KIAA0232: variants seen among roughly 807,000 people sequenced by gnomAD.
KIAA0232 encodes the protein KIAA0232.
Under a neutral mutation model 122.0 loss-of-function variants are expected in KIAA0232, and 27 were observed. The ratio of observed to expected loss-of-function variants is 0.22; its 90% CI spans 0.16 to 0.31. KIAA0232 has a LOEUF of 0.31. Among genes scored for constraint, KIAA0232 ranks in the 10% least tolerant of loss-of-function variants. The probability of loss-of-function intolerance (pLI) is 1.00; values close to 1 mark genes in which losing one functional copy is unlikely to be tolerated. For missense variants in KIAA0232, 1,551 were observed against 1,634.2 expected, an observed-to-expected ratio of 0.95 and a Z score of 0.88; for synonymous variants, 613 against 587.6, an observed-to-expected ratio of 1.04 and a Z score of -0.63.
intron 8 of KIAA0232, among the ~76,000 whole-genome samples, chr4:6,872,929 T>C (rs1216661526): frequency 6.6e-6 from 1 of 152,242 alleles, no homozygotes; most frequent in African/African-American, 2.4e-5. Context: ...CTCTGGTCTG[T>C]AGCCACAGAC....
intron 1 of KIAA0232, among the ~76,000 whole-genome samples, chr4:6,794,931 G>T (rs999112182): frequency 2.6e-5 from 4 of 152,160 alleles, no homozygotes; most frequent in Non-Finnish European, 4.4e-5. Flanking sequence ...GGTAGCATTA[G>T]AGTTCTGGAA....
At chr4:6,830,788 A>C (rs1489087149) in intron 3 of KIAA0232, among the ~76,000 whole-genome samples, 2 of 152,060 alleles carry the variant, frequency 1.3e-5, no homozygotes, top group African/African-American at 4.8e-5. Context: ...ATGTGTGTCC[A>C]GCAGAAAGAG....
In KIAA0232 at chr4:6,861,181, A is replaced by G; in HGVS notation, c.799A>G (p.Lys267Glu). Residue 267 changes from lysine (K) to glutamate (E), a missense_variant, in exon 7 of 10, where the codon AAG (lysine) becomes GAG (glutamate). Transcript: ENST00000307659. ...ATTTAGTAATGGCACAATTGAAGAA[A>G]AGCCTGCTTTGTACAAAAAGCAAAT... ...NKFSNGTIEEKPALYKKQIRH... is the reference protein window; with the variant it reads ...NKFSNGTIEEEPALYKKQIRH... 1 of 1,614,200 alleles carries G rather than the reference A, an allele frequency of 6.2e-7. No homozygotes were observed. Among genetic ancestry groups the G allele is most frequent in the Non-Finnish European group, 8.5e-7 (1 of 1,180,044 alleles).
Position 6,824,381 on chromosome 4 carries a change from C to A in KIAA0232, c.-73C>A, listed in dbSNP as rs1378029856. 5.8e-6 allele frequency: 7 copies of A among 1,215,958 alleles called. No individual in the cohort carries two copies. The highest frequency in any genetic ancestry group is 8.6e-6 in the Non-Finnish European group (7 of 818,646). 75.3% of individuals were successfully genotyped at this position (1,215,958 alleles called of 1,614,324 possible). ...CTCTACTTTTTACTGGAGTGAAAAT[C>A]CCCTCCAGATACCAACAGAATATCA... is the stretch of plus-strand genomic sequence containing the variant. On this transcript the variant is annotated 5_prime_UTR_variant, in exon 3 of 10. Transcript: ENST00000307659.
intron 4 of KIAA0232, among the ~76,000 whole-genome samples, chr4:6,854,491 C>T (rs1444050754): frequency 6.6e-6 from 1 of 152,140 alleles, no homozygotes; most frequent in East Asian, 1.9e-4. Flanking sequence ...TCACTGGGTG[C>T]GTGAATGAGC....
chr4:6,833,698 C>G (rs1719115750), intron 3 of KIAA0232, among the ~76,000 whole-genome samples: 1 of 152,114 alleles, frequency 6.6e-6, no homozygotes, highest in Admixed American at 6.5e-5. Flanking sequence ...AGAGTATATA[C>G]ATGCCAGTAT....
At position 6,862,188 on chromosome 4, in the gene KIAA0232, T is replaced by C. The variant is rs751343465; in HGVS notation, c.1806T>C (p.Asp602=). 6.2e-7 allele frequency: 1 copy of C among 1,614,188 alleles called. No individual in the cohort carries two copies. The highest frequency in any genetic ancestry group is 8.5e-7 in the Non-Finnish European group (1 of 1,180,034). The change falls in exon 7 of 10, where the codon GAT becomes GAC. Residue 602 remains aspartate, a synonymous_variant. Coordinates refer to ENST00000307659, the MANE Select transcript of KIAA0232 (RefSeq NM_014743.3). ...GTTCATCCAGCTCCGGTGATGCTGA[T>C]GGGGAGAGTTTTGGAGGAGACTCTC... ...ECCSSSSGDA[D]GESFGGDSPV...
chr4:6,813,547 A>T, intron 2 of KIAA0232, among the ~76,000 whole-genome samples: 1 of 151,816 alleles, frequency 6.6e-6, no homozygotes, highest in Non-Finnish European at 1.5e-5. Flanking sequence ...TATTTTTAGT[A>T]GAGATGGGGT....
intron 3 of KIAA0232, among the ~76,000 whole-genome samples, chr4:6,838,324 G>T (rs1719457542): frequency 1.3e-5 from 2 of 152,014 alleles, no homozygotes; most frequent in Admixed American, 1.3e-4. Flanking sequence ...AAGTAGCTGG[G>T]ACTGCAGGTG....
intron 2 of KIAA0232, among the ~76,000 whole-genome samples, chr4:6,809,612 C>A (rs1335523300): frequency 6.8e-6 from 1 of 146,908 alleles, no homozygotes; most frequent in Non-Finnish European, 1.5e-5. Flanking sequence ...TAAAAGGCAT[C>A]CAAATTAGAA....
rs570698505 is a variant in KIAA0232 at position 6,875,213 on chromosome 4, G to T, written c.3911-1447G>T. 1.4e-4 allele frequency among the ~76,000 whole-genome samples: 21 copies of T among 152,352 alleles called. No homozygotes were observed. In the South Asian group the frequency reaches 4.3e-3, roughly 32 times the overall value. Reference sequence around the variant, plus strand: ...ATGGCTTTGATAAGCAGCGGTCATGGGTGCAATGTGTGTGCCCGGCACTGT... The same window carrying T: ...ATGGCTTTGATAAGCAGCGGTCATGTGTGCAATGTGTGTGCCCGGCACTGT... On this transcript the variant is annotated intron_variant, in intron 8 of 9. Coordinates refer to ENST00000307659, the MANE Select transcript of KIAA0232 (RefSeq NM_014743.3).
At chr4:6,845,447 C>T (rs1378446051) in intron 4 of KIAA0232, among the ~76,000 whole-genome samples, 1 of 152,076 alleles carries the variant, frequency 6.6e-6, no homozygotes, top group Non-Finnish European at 1.5e-5. Flanking sequence ...CCTCCCGCGT[C>T]GGCCTCTCAA....
intron 4 of KIAA0232, among the ~76,000 whole-genome samples, chr4:6,850,644 A>G (rs968006858): frequency 4.6e-5 from 7 of 151,456 alleles, no homozygotes; most frequent in South Asian, 2.1e-4. Flanking sequence ...ATTTTGGGCT[A>G]TTAATAAAGA....
In KIAA0232 at chr4:6,861,143, A is replaced by G; in HGVS notation, c.761A>G (p.Glu254Gly). ...AAAACCCAGAGCAAAAGCAAAAACG[A>G]GAAGGAAAACAAATTTAGTAATGGC... ...HEKTQSKSKN[E>G]KENKFSNGTI... Residue 254 changes from glutamate (E) to glycine (G), a missense_variant, in exon 7 of 10, where the codon GAG (glutamate) becomes GGG (glycine). This residue lies in a region of KIAA0232 where 377 missense variants were observed against 381.7 expected (regional missense o/e 0.99). Transcript: ENST00000307659. 1 of 1,614,220 alleles carries G rather than the reference A, an allele frequency of 6.2e-7. No homozygotes were observed. The highest frequency in any genetic ancestry group is 8.5e-7 in the Non-Finnish European group (1 of 1,180,034).
At chr4:6,869,150 C>G (rs995234737) in intron 7 of KIAA0232, among the ~76,000 whole-genome samples, 1 of 152,154 alleles carries the variant, frequency 6.6e-6, no homozygotes, top group Non-Finnish European at 1.5e-5. Flanking sequence ...GCCCCTGCTC[C>G]CAGGTTCCTG....
chr4:6,847,636 C>T (rs1013107179), intron 4 of KIAA0232, among the ~76,000 whole-genome samples: 1 of 152,058 alleles, frequency 6.6e-6, no homozygotes, highest in African/African-American at 2.4e-5. Flanking sequence ...AAATAACATG[C>T]AAGTTTTCGA....
At chr4:6,830,467 G>A (rs1718913040) in intron 3 of KIAA0232, among the ~76,000 whole-genome samples, 2 of 150,332 alleles carry the variant, frequency 1.3e-5, no homozygotes, top group African/African-American at 4.9e-5. Context: ...TAGAGTGCAG[G>A]GGCGATCTCA....
At chr4:6,838,683 G>A (rs1392522318) in intron 3 of KIAA0232, among the ~76,000 whole-genome samples, 1 of 149,634 alleles carries the variant, frequency 6.7e-6, no homozygotes, top group Non-Finnish European at 1.5e-5. Flanking sequence ...AGTTACCTGT[G>A]AGGATTGATG....
chr4:6,815,258 CACTG>C (rs2108992588), intron 2 of KIAA0232, among the ~76,000 whole-genome samples: 1 of 152,282 alleles, frequency 6.6e-6, no homozygotes, highest in East Asian at 1.9e-4. Flanking sequence ...TCAAAACCAG[CACTG>C]ACCCTCAGTG....
Sources: gnomAD v4.1 joint callset for allele counts (sites outside exome capture counted in the v4.1 genomes callset) on GRCh38, gnomAD v4.1.1 for gene constraint, gnomAD v4.1.1 regional missense constraint, MANE v1.5 for transcripts, NCBI Gene and HGNC (gene_info 2026-07-23, HGNC 2026-07-21) for gene names.